The following LRP1B variants were observed in gnomAD, a reference collection of about 807,000 sequenced individuals.
The protein encoded by LRP1B is LDL receptor related protein 1B.
LRP1B carries 217 observed loss-of-function variants against 556.6 expected under a neutral mutation model. The ratio of observed to expected loss-of-function variants is 0.39; its 90% CI spans 0.35 to 0.44. The LOEUF (loss-of-function observed/expected upper bound fraction) is 0.44. LRP1B is among the 20% of genes least tolerant of loss of function. LRP1B has a pLI of 1.00. For synonymous variants in LRP1B, 2,047 were observed against 1,865.8 expected (o/e 1.10, Z -2.50); for missense variants, 5,053 against 5,620.8 (o/e 0.90, Z 3.23).
intron 3 of LRP1B, among the ~76,000 whole-genome samples, chr2:141,287,234 CCATTCT>C (rs1468899973): frequency 2.0e-5 from 3 of 151,926 alleles, no homozygotes; most frequent in Admixed American, 6.6e-5. Flanking sequence ...TCTCATTCTG[CCATTCT>C]CATTCTCATT....
At chr2:141,833,760 G>T (rs1229641242) in intron 1 of LRP1B, among the ~76,000 whole-genome samples, 1 of 151,682 alleles carries the variant, frequency 6.6e-6, no homozygotes, top group Non-Finnish European at 1.5e-5. Flanking sequence ...AAAATAAATT[G>T]ATGGTTGTTT....
chr2:140,664,667 G>T (rs181167250), intron 41 of LRP1B, among the ~76,000 whole-genome samples: 7 of 151,866 alleles, frequency 4.6e-5, no homozygotes, highest in Admixed American at 4.6e-4. Flanking sequence ...TTGAGAAATA[G>T]ACTAATGAAT....
chr2:140,749,468 T>A (rs1376050081), intron 35 of LRP1B, among the ~76,000 whole-genome samples: 1 of 152,324 alleles, frequency 6.6e-6, no homozygotes, highest in Admixed American at 6.5e-5. Flanking sequence ...ATATCCTTAT[T>A]ATATAAACTT....
chr2:140,396,228 G>A (rs1684250292), intron 66 of LRP1B, among the ~76,000 whole-genome samples: 1 of 152,140 alleles, frequency 6.6e-6, no homozygotes, highest in Non-Finnish European at 1.5e-5. Flanking sequence ...TCAACCAGCT[G>A]AGAGACAAAC....
At chr2:141,505,991 G>A (rs1683917794) in intron 2 of LRP1B, among the ~76,000 whole-genome samples, 1 of 152,060 alleles carries the variant, frequency 6.6e-6, no homozygotes, top group Non-Finnish European at 1.5e-5. Context: ...CCCTGTCCGG[G>A]AAAGACTGCC....
chr2:140,683,783 C>T lies in LRP1B; in HGVS notation c.6799+16467G>A, dbSNP rs73961452. ...TCTCTCTCCTGACAGGAGTGGTCAG[C>T]TGTAGCAAAGCCAGCCTCCGGGCTA... On this transcript the variant is annotated intron_variant, in intron 41 of 90. Coordinates refer to ENST00000389484, the MANE Select transcript of LRP1B (RefSeq NM_018557.3). 6,479 of 967,496 alleles carry T rather than the reference C, an allele frequency of 6.7e-3. 299 individuals carry two copies. In the African/African-American group the frequency reaches 0.093, roughly 14 times the overall value. 59.9% of individuals were successfully genotyped at this position (967,496 alleles called of 1,614,324 possible).
intron 2 of LRP1B, among the ~76,000 whole-genome samples, chr2:141,798,680 C>T (rs1395122909): frequency 3.2e-5 from 4 of 125,880 alleles, no homozygotes; most frequent in Admixed American, 2.9e-4. Context: ...GCACTCCAGC[C>T]TGGCAACAGA....
intron 9 of LRP1B, among the ~76,000 whole-genome samples, chr2:141,055,941 A>G (rs1699168630): frequency 6.6e-6 from 1 of 151,592 alleles, no homozygotes; most frequent in South Asian, 2.1e-4. Context: ...GAAAAGTACT[A>G]TATGGAGAGG....
At chr2:140,668,660 C>T (rs1051214049) in intron 41 of LRP1B, among the ~76,000 whole-genome samples, 1 of 151,482 alleles carries the variant, frequency 6.6e-6, no homozygotes, top group Non-Finnish European at 1.5e-5. Context: ...ATATATTCAT[C>T]CAAATTGGTT....
chr2:140,800,187 G>T (rs963402259), intron 32 of LRP1B, among the ~76,000 whole-genome samples: 3 of 152,064 alleles, frequency 2.0e-5, no homozygotes, highest in Non-Finnish European at 4.4e-5. Context: ...TCATAGGTGG[G>T]AATTGAACAG....
intron 7 of LRP1B, among the ~76,000 whole-genome samples, chr2:141,106,226 C>T (rs12474088): frequency 0.36 from 54,790 of 151,926 alleles, 10,380 homozygotes; most frequent in East Asian, 0.66. Flanking sequence ...TTTATGTCAT[C>T]GACACTTCAT....
chr2:141,795,663 A>G (rs1695779365), intron 2 of LRP1B, among the ~76,000 whole-genome samples: 1 of 151,692 alleles, frequency 6.6e-6, no homozygotes, highest in African/African-American at 2.4e-5. Context: ...GGGGATGTCA[A>G]TTCCAGTCAC....
At chr2:141,917,445 C>T (rs1700067999) in intron 1 of LRP1B, among the ~76,000 whole-genome samples, 1 of 152,048 alleles carries the variant, frequency 6.6e-6, no homozygotes, top group African/African-American at 2.4e-5. Context: ...TTTATATTTG[C>T]TAATAAAATT....
intron 3 of LRP1B, among the ~76,000 whole-genome samples, chr2:141,345,058 C>A (rs550826315): frequency 6.6e-6 from 1 of 151,796 alleles, no homozygotes; most frequent in Non-Finnish European, 1.5e-5. Flanking sequence ...AGGAGAAGTA[C>A]GTTACAAAGT....
At chr2:140,950,851 A>T (rs1695693869) in intron 19 of LRP1B, among the ~76,000 whole-genome samples, 1 of 150,766 alleles carries the variant, frequency 6.6e-6, no homozygotes, top group African/African-American at 2.4e-5. Flanking sequence ...AAAATGAATG[A>T]TAATTGAATC....
At chr2:140,679,496 A>G (rs1225935308) in intron 41 of LRP1B, among the ~76,000 whole-genome samples, 1 of 152,238 alleles carries the variant, frequency 6.6e-6, no homozygotes, top group Non-Finnish European at 1.5e-5. Flanking sequence ...GTACATTTAA[A>G]TACTAATATT....
chr2:140,524,688 T>C (rs12616000), intron 49 of LRP1B, among the ~76,000 whole-genome samples: 32,361 of 151,664 alleles, frequency 0.21, 4,181 homozygotes, highest in East Asian at 0.5. Context: ...AGTAAATCAA[T>C]GCAAGAACAG....
chr2:141,540,263 C>T (rs772936041), intron 2 of LRP1B, among the ~76,000 whole-genome samples: 95 of 151,376 alleles, frequency 6.3e-4, no homozygotes, highest in South Asian at 8.4e-4. Flanking sequence ...AAATTTAACA[C>T]ATTAGGGAGT....
rs756023600 is a variant in LRP1B, at chr2:140,358,007, A to G, written c.11367T>C (p.Asp3789=). 34 of 1,611,122 alleles carry G rather than the reference A, an allele frequency of 2.1e-5. No individual in the cohort carries two copies. Among genetic ancestry groups the G allele is most frequent in the Non-Finnish European group, 2.9e-5 (34 of 1,178,026 alleles). Residue 3789 remains aspartate, a synonymous_variant, in exon 74 of 91, where the codon GAT becomes GAC. Coordinates refer to ENST00000389484, the MANE Select transcript of LRP1B (RefSeq NM_018557.3). ...LQCDRLDDCG[D]GSDEQGCRIA... Reference sequence around the variant, plus strand: ...TTCTGCATCCTTGCTCATCTGAACCATCTCCGCAGTCATCAAGTCGATCAC... The same window carrying G: ...TTCTGCATCCTTGCTCATCTGAACCGTCTCCGCAGTCATCAAGTCGATCAC...
Sources: allele counts gnomAD v4.1 joint callset (sites outside exome capture counted in the v4.1 genomes callset), GRCh38; gene constraint gnomAD v4.1.1; transcripts MANE v1.5; gene names NCBI Gene and HGNC (gene_info 2026-07-23, HGNC 2026-07-21).